The following NRL variants were observed in gnomAD, a reference collection of about 807,000 sequenced individuals.
The protein encoded by NRL is neural retina-specific leucine zipper protein.
A neutral mutation model predicts 12.5 loss-of-function variants in NRL; 16 were observed. That is an observed-to-expected ratio of 1.28 (90% CI 0.87 to 1.95). The LOEUF (loss-of-function observed/expected upper bound fraction) is 1.95, where lower values mean the gene tolerates loss of function less well. Among genes scored for constraint, NRL ranks in the 30% most tolerant of loss-of-function variants. The pLI, the probability that NRL is intolerant of heterozygous loss-of-function variation, is 0.00. For synonymous variants in NRL, 142 were observed against 150.9 expected (o/e 0.94, Z 0.43); for missense variants, 314 against 325.8 (o/e 0.96, Z 0.28).
At chr14:24,108,981 G>A (rs955370714) in intron 1 of NRL, among the ~76,000 whole-genome samples, 2 of 152,210 alleles carry the variant, frequency 1.3e-5, no homozygotes, top group African/African-American at 4.8e-5. Context: ...CTCCTCAGCA[G>A]CCCAGCCTGC....
At chr14:24,099,333 C>G in intron 1 of NRL, 6 of 1,253,068 alleles carry the variant, frequency 4.8e-6, no homozygotes, top group Non-Finnish European at 6.6e-6. Context: ...TGCCAGGTGC[C>G]AGGCTGGTGG....
intron 1 of NRL, among the ~76,000 whole-genome samples, chr14:24,111,435 G>A (rs1453055260): frequency 2.0e-5 from 3 of 152,150 alleles, no homozygotes; most frequent in Non-Finnish European, 4.4e-5. Context: ...GTGCAGTGGC[G>A]TGATCTCGGC....
intron 1 of NRL, chr14:24,099,364 C>A: frequency 1.9e-6 from 2 of 1,069,222 alleles, no homozygotes; most frequent in Admixed American, 2.7e-5. Flanking sequence ...TACTTGAAGG[C>A]CCAAAGCTTT....
At chr14:24,091,673 C>T (rs920726051) in intron 1 of NRL, among the ~76,000 whole-genome samples, 30 of 151,792 alleles carry the variant, frequency 2.0e-4, no homozygotes, top group African/African-American at 7.0e-4. Flanking sequence ...TTCCATTTCT[C>T]CTGCTAACCA....
intron 1 of NRL, chr14:24,098,386 G>A (rs769896049): frequency 1.9e-6 from 3 of 1,611,966 alleles, no homozygotes; most frequent in African/African-American, 2.7e-5. Flanking sequence ...GCTGCATGCA[G>A]GGTAACCAGG....
intron 1 of NRL, chr14:24,103,751 G>A (rs146309348): frequency 1.9e-6 from 3 of 1,614,212 alleles, no homozygotes; most frequent in African/African-American, 1.3e-5. Flanking sequence ...GTGCCCGAGA[G>A]ACACCCATTG....
Position 24,100,004 on chromosome 14 carries a change from G to A in NRL, c.-28+14718C>T, listed in dbSNP as rs770977717. On this transcript the variant is annotated intron_variant, in intron 1 of 2. Coordinates refer to ENST00000561028, the MANE Select transcript of NRL (RefSeq NM_001354768.3). Reference sequence around the variant, plus strand: ...TCACTTCTCCTAACAGGTCGACTCCGGGCCATCAACCCTGAGAACGGCTTC... The same window carrying A: ...TCACTTCTCCTAACAGGTCGACTCCAGGCCATCAACCCTGAGAACGGCTTC... The A allele has an allele frequency of 4.5e-5, 72 of 1,613,978 alleles. No homozygotes were observed. The highest frequency in any genetic ancestry group is 5.0e-5 in the Non-Finnish European group (59 of 1,180,002).
rs144284959 is a variant in NRL at position 24,103,720 on chromosome 14, G to C, written c.-28+11002C>G. On this transcript the variant is annotated intron_variant, in intron 1 of 2. Transcript: ENST00000561028. The stretch of plus-strand genomic sequence containing the variant: ...GCTCGGGTGCTAGACTGGATCTGCC[G>C]GCGGTTAGAGGGGGAGGACAGTGCC... 4 of 1,614,168 alleles carry C rather than the reference G, an allele frequency of 2.5e-6. No homozygotes were observed. In the South Asian group the frequency reaches 4.4e-5, roughly 18 times the overall value.
chr14:24,107,604 C>A (rs143109743), intron 1 of NRL, among the ~76,000 whole-genome samples: 2 of 152,186 alleles, frequency 1.3e-5, no homozygotes, highest in African/African-American at 4.8e-5. Context: ...TATAGTTTAG[C>A]TTTGCTCCCA....
At chr14:24,106,720 CA>C (rs61141281) in intron 1 of NRL, among the ~76,000 whole-genome samples, 9 of 132,198 alleles carry the variant, frequency 6.8e-5, no homozygotes, top group Admixed American at 7.5e-5. Flanking sequence ...GACTCTGTCT[CA>C]AAAAAAAAAT....
At chr14:24,097,289 G>A (rs2036929494) in intron 1 of NRL, 6 of 738,524 alleles carry the variant, frequency 8.1e-6, no homozygotes, top group South Asian at 3.8e-5. Context: ...ATTTGCTTAC[G>A]CCTATAATCC....
At chr14:24,100,497 G>T in intron 1 of NRL, 1 of 795,050 alleles carries the variant, frequency 1.3e-6, no homozygotes, top group Non-Finnish European at 1.8e-6. Flanking sequence ...GATTGTTGGA[G>T]GATTAAATAG....
chr14:24,099,580 C>T, intron 1 of NRL: 3 of 1,603,902 alleles, frequency 1.9e-6, no homozygotes, highest in Non-Finnish European at 2.6e-6. Flanking sequence ...ACCAGCCCTG[C>T]AGGGAAGAAG....
At chr14:24,098,518 C>T (rs771805607) in intron 1 of NRL, 1 of 1,614,068 alleles carries the variant, frequency 6.2e-7, no homozygotes, top group African/African-American at 1.3e-5. Context: ...GTCCTGTGGG[C>T]TCCCCGCTGT....
rs1351335448 is a variant in NRL at position 24,081,923 on chromosome 14, C to T, written c.382-355G>A. The T allele has an allele frequency of 5.5e-6, 7 of 1,279,048 alleles. No individual in the cohort carries two copies. Among genetic ancestry groups the T allele is most frequent in the Non-Finnish European group, 6.0e-6 (6 of 1,002,974 alleles). 79.2% of individuals were successfully genotyped at this position (1,279,048 alleles called of 1,614,324 possible). A position where few individuals can be genotyped will look rare whatever the true frequency, so the allele number is the denominator to read the frequency against. On this transcript the variant is annotated intron_variant, in intron 2 of 2. Transcript: ENST00000561028. This position sits in a 1 kb window ranked among gnomAD's most constrained non-coding sequence, Gnocchi z 4.4. ...GGACCCGCACCCAGACAGCCCCCAACCCTCCAACGCGCTGCGTTTCCCTGT... is the reference window on the plus strand; with the variant it reads ...GGACCCGCACCCAGACAGCCCCCAATCCTCCAACGCGCTGCGTTTCCCTGT...
chr14:24,096,228 CTTTTTTT>C (rs34592767), intron 1 of NRL, among the ~76,000 whole-genome samples: 4 of 58,844 alleles, frequency 6.8e-5, no homozygotes, highest in Non-Finnish European at 1.1e-4. Flanking sequence ...CTACTCATTT[CTTTTTTT>C]TTTTTTTTTT....
At position 24,081,526 on chromosome 14, in the gene NRL, C is replaced by T; in HGVS notation, c.424G>A (p.Val142Met). Residue 142 changes from valine (V) to methionine (M), a missense_variant, in exon 3 of 3, where the codon GTG becomes ATG. Coordinates refer to ENST00000561028, the MANE Select transcript of NRL (RefSeq NM_001354768.3). The surrounding 1 kb of genome is among the most constrained non-coding windows in gnomAD (Gnocchi z 4.4). ...CGCAGCTGCCGGTTTAGCTCCCGCA[C>T]AGACATCGAGACCAGCGCCGCGTCG... ...FSDAALVSMS[V>M]RELNRQLRGC... 2 of 1,604,722 alleles carry T rather than the reference C, an allele frequency of 1.2e-6. No homozygotes were observed. Among genetic ancestry groups the T allele is most frequent in the East Asian group, 2.2e-5 (1 of 44,504 alleles).
Position 24,078,850 on chromosome 14 carries a change from G to T in NRL, c.*2386C>A, listed in dbSNP as rs1301486283. Among the ~76,000 whole-genome samples the T allele has an allele frequency of 1.3e-5, 2 of 152,184 alleles. No homozygotes were observed. The highest frequency in any genetic ancestry group is 1.3e-4 in the Admixed American group (2 of 15,278). On this transcript the variant is annotated 3_prime_UTR_variant, in exon 3 of 3. Transcript: ENST00000561028. ...GGGTCTCACTCTGCCACCCAGGCTG[G>T]AATGCAGTGGCACGATTATGGCTCA...
In NRL at chr14:24,085,952, C is replaced by G. The variant is rs1393529323; in HGVS notation, c.-27-3077G>C. Among the ~76,000 whole-genome samples the G allele has an allele frequency of 1.3e-5, 2 of 152,246 alleles. No individual in the cohort carries two copies. ...CATGCTTGAAAGTTTAAAGGCCAGG[C>G]ACGCCTGTAATCCCAGCATTTTGGG... On this transcript the variant is annotated intron_variant, in intron 1 of 2. Coordinates refer to ENST00000561028, the MANE Select transcript of NRL (RefSeq NM_001354768.3). This position sits in a 1 kb window ranked among gnomAD's most constrained non-coding sequence, Gnocchi z 4.1.
Sources: gnomAD v4.1 joint callset for allele counts (sites outside exome capture counted in the v4.1 genomes callset) on GRCh38, gnomAD v4.1.1 for gene constraint, Gnocchi (gnomAD v3.1) non-coding constraint, MANE v1.5 for transcripts, NCBI Gene and HGNC (gene_info 2026-07-23, HGNC 2026-07-21) for gene names.